The following GFRAL variants were observed in gnomAD, a reference collection of about 807,000 sequenced individuals.
The protein encoded by GFRAL is GDNF family receptor alpha like, also known as GDNF family receptor alpha-like.
A neutral mutation model predicts 45.4 loss-of-function variants in GFRAL; 36 were observed. The ratio of observed to expected loss-of-function variants is 0.79; its 90% CI spans 0.61 to 1.05. The LOEUF is 1.05. GFRAL is among the 50% of genes least tolerant of loss of function. The pLI is 0.00. For missense variants in GFRAL, 507 were observed against 467.5 expected (o/e 1.08, Z -0.78); for synonymous variants, 166 against 154.1 (o/e 1.08, Z -0.57).
intron 6 of GFRAL, among the ~76,000 whole-genome samples, chr6:55,383,597 A>C (rs577207087): frequency 6.6e-6 from 1 of 152,144 alleles, no homozygotes; most frequent in African/African-American, 2.4e-5. Context: ...GTAGTAGGCT[A>C]TACCACCTAA....
intron 6 of GFRAL, among the ~76,000 whole-genome samples, chr6:55,362,871 G>A (rs1768295962): frequency 6.6e-6 from 1 of 151,150 alleles, no homozygotes; most frequent in Admixed American, 6.6e-5. Flanking sequence ...AGGAGGAAGA[G>A]GAAAAGGAAG....
intron 5 of GFRAL, among the ~76,000 whole-genome samples, chr6:55,358,235 C>T (rs548988262): frequency 7.9e-5 from 12 of 151,760 alleles, no homozygotes; most frequent in East Asian, 7.8e-4. Context: ...AAGCAATTTT[C>T]GGTGACAAAC....
intron 6 of GFRAL, among the ~76,000 whole-genome samples, chr6:55,366,543 T>G (rs58805388): frequency 0.3 from 42,099 of 141,464 alleles, 8,415 homozygotes; most frequent in Non-Finnish European, 0.39. Context: ...AGGGTGTCAG[T>G]TTTGGATCTT....
chr6:55,357,103 A>G (rs1768205433), intron 5 of GFRAL, among the ~76,000 whole-genome samples: 1 of 151,884 alleles, frequency 6.6e-6, no homozygotes, highest in Non-Finnish European at 1.5e-5. Flanking sequence ...CTTGCTTTTT[A>G]GCTAACATAT....
chr6:55,331,794 T>C lies in GFRAL; in HGVS notation c.102T>C (p.Asp34=). ...CTYLREQCLR[D]ANGCKHAWRV... The stretch of plus-strand genomic sequence containing the variant: ...ATTTAAGAGAGCAATGCTTACGTGA[T>C]GCAAATGGATGTAAACATGCTTGGA... Residue 34 remains aspartate (D), a synonymous_variant, in exon 2 of 9, where the codon GAT becomes GAC. Coordinates refer to ENST00000340465, the MANE Select transcript of GFRAL (RefSeq NM_207410.2). The C allele has an allele frequency of 1.9e-6, 3 of 1,611,832 alleles. No homozygotes were observed. The highest frequency in any genetic ancestry group is 2.2e-5 in the East Asian group (1 of 44,630).
At chr6:55,377,654 A>T (rs1234936250) in intron 6 of GFRAL, among the ~76,000 whole-genome samples, 1 of 152,006 alleles carries the variant, frequency 6.6e-6, no homozygotes, top group Non-Finnish European at 1.5e-5. Context: ...GAGGAAGAAA[A>T]GTGAATTTGG....
At chr6:55,366,661 A>G (rs1192847196) in intron 6 of GFRAL, among the ~76,000 whole-genome samples, 1 of 110,992 alleles carries the variant, frequency 9.0e-6, no homozygotes, top group Non-Finnish European at 1.8e-5. Context: ...GGTTGGTTTC[A>G]AAGAACATCT....
Position 55,368,465 on chromosome 6 carries a change from C to T in GFRAL, c.952+9327C>T, listed in dbSNP as rs1331379104. Among the ~76,000 whole-genome samples, 6 of 152,154 alleles carry T rather than the reference C, an allele frequency of 3.9e-5. No homozygotes were observed. The East Asian group carries it at 7.7e-4, about 20-fold the overall frequency. On this transcript the variant is annotated intron_variant, in intron 6 of 8. Coordinates refer to ENST00000340465, the MANE Select transcript of GFRAL (RefSeq NM_207410.2). Reference sequence around the variant, plus strand: ...CTCGTCAAAGTCATTCTCCGTCCAGCTTTGTTCCGTTGCTGGTGAGGAACT... The same window carrying T: ...CTCGTCAAAGTCATTCTCCGTCCAGTTTTGTTCCGTTGCTGGTGAGGAACT...
chr6:55,364,682 T>A (rs1437121338), intron 6 of GFRAL, among the ~76,000 whole-genome samples: 1 of 151,570 alleles, frequency 6.6e-6, no homozygotes, highest in Non-Finnish European at 1.5e-5. Flanking sequence ...CCAGCACCAT[T>A]TAATAAATAG....
intron 5 of GFRAL, among the ~76,000 whole-genome samples, chr6:55,356,397 G>T (rs757916385): frequency 1.8e-4 from 28 of 151,886 alleles, no homozygotes; most frequent in Admixed American, 3.3e-4. Flanking sequence ...CTTGTTATTG[G>T]TCTGTTCAGG....
Position 55,351,585 on chromosome 6 carries a change from T to A in GFRAL, c.701+2T>A. 1 of 1,593,150 alleles carries A rather than the reference T, an allele frequency of 6.3e-7. No homozygotes were observed. Among genetic ancestry groups the A allele is most frequent in the Non-Finnish European group, 8.6e-7 (1 of 1,164,326 alleles). On this transcript the variant is annotated splice_donor_variant, in intron 5 of 8. Transcript: ENST00000340465. LOFTEE classifies it high-confidence loss of function. ...CTGCCAAAATGATGAATTATGCAGG[T>A]GGGTAAAAACACTCATACCTTACTT...
chr6:55,388,238 A>G (rs940606066), intron 6 of GFRAL, among the ~76,000 whole-genome samples: 12 of 151,916 alleles, frequency 7.9e-5, no homozygotes, highest in African/African-American at 2.9e-4. Context: ...TTCAAAAAAA[A>G]CTCAGTTGCA....
intron 3 of GFRAL, among the ~76,000 whole-genome samples, chr6:55,345,343 G>T (rs1211925385): frequency 6.6e-6 from 1 of 152,166 alleles, no homozygotes; most frequent in Non-Finnish European, 1.5e-5. Context: ...TACCAAAACA[G>T]AGATATAGAC....
chr6:55,390,815 G>A (rs181807138), intron 6 of GFRAL, among the ~76,000 whole-genome samples: 100 of 152,022 alleles, frequency 6.6e-4, no homozygotes, highest in African/African-American at 2.4e-3. Context: ...TTGAACCTGG[G>A]AGGCAGAGAT....
Position 55,369,448 on chromosome 6 carries a change from C to T in GFRAL, c.952+10310C>T, listed in dbSNP as rs548010272. Among the ~76,000 whole-genome samples, 8 of 152,180 alleles carry T rather than the reference C, an allele frequency of 5.3e-5. No individual in the cohort carries two copies. The East Asian group carries it at 1.2e-3, about 22-fold the overall frequency. ...GCTGTAGACCGGAGCTGTTCCTATT[C>T]GGCCATCTTGGCTCCTCCCTGCTTA... On this transcript the variant is annotated intron_variant, in intron 6 of 8. Transcript: ENST00000340465.
At chr6:55,363,339 T>C (rs1328796233) in intron 6 of GFRAL, among the ~76,000 whole-genome samples, 4 of 151,916 alleles carry the variant, frequency 2.6e-5, no homozygotes, top group Non-Finnish European at 5.9e-5. Context: ...TTTAAGGCAA[T>C]CAAACTATAC....
chr6:55,400,278 G>A (rs1768878966), intron 8 of GFRAL, among the ~76,000 whole-genome samples: 1 of 152,064 alleles, frequency 6.6e-6, no homozygotes, highest in South Asian at 2.1e-4. Context: ...TGTGTATACA[G>A]CCATATATAC....
chr6:55,398,237 C>T (rs529903592), intron 6 of GFRAL, among the ~76,000 whole-genome samples: 1 of 152,310 alleles, frequency 6.6e-6, no homozygotes, highest in Non-Finnish European at 1.5e-5. Flanking sequence ...TTGATACATT[C>T]ATTTTTGTAA....
intron 3 of GFRAL, among the ~76,000 whole-genome samples, chr6:55,349,124 A>T (rs899427434): frequency 6.6e-6 from 1 of 152,070 alleles, no homozygotes; most frequent in Non-Finnish European, 1.5e-5. Context: ...AATTAAAAAA[A>T]TGAAAAACAA....
Sources: allele counts gnomAD v4.1 joint callset (sites outside exome capture counted in the v4.1 genomes callset), GRCh38; gene constraint gnomAD v4.1.1; transcripts MANE v1.5; gene names NCBI Gene and HGNC (gene_info 2026-07-23, HGNC 2026-07-21).